The following HYDIN variants were observed in gnomAD, a reference collection of about 807,000 sequenced individuals.
HYDIN encodes the protein HYDIN axonemal central pair apparatus protein.
Under a neutral mutation model 403.9 loss-of-function variants are expected in HYDIN, and 132 were observed. The ratio of observed to expected loss-of-function variants is 0.33; its 90% CI spans 0.28 to 0.38. The LOEUF (loss-of-function observed/expected upper bound fraction) is 0.38, where lower values mean the gene tolerates loss of function less well. Ranked by LOEUF, HYDIN falls within the 10% of genes least tolerant of loss-of-function variation. HYDIN has a pLI of 1.00. For synonymous variants in HYDIN, 1,202 were observed against 1,891.7 expected, an observed-to-expected ratio of 0.64 and a Z score of 9.46; for missense variants, 2,827 against 5,009.5, an observed-to-expected ratio of 0.56 and a Z score of 13.15.
chr16:70,967,193 G>C (rs1035665133), intron 36 of HYDIN, among the ~76,000 whole-genome samples: 3 of 152,172 alleles, frequency 2.0e-5, no homozygotes, highest in Non-Finnish European at 2.9e-5. Context: ...GTGGATTTGG[G>C]GGGAGCTGCT....
chr16:70,955,909 C>T (rs1270405733), intron 39 of HYDIN, among the ~76,000 whole-genome samples: 2 of 152,180 alleles, frequency 1.3e-5, no homozygotes, highest in African/African-American at 4.8e-5. Flanking sequence ...ACCTCTGCCT[C>T]CTGGTTTCAA....
Position 71,108,460 on chromosome 16 carries a change from A to G in HYDIN, c.1327+7236T>C, listed in dbSNP as rs2083698299. On this transcript the variant is annotated intron_variant, in intron 10 of 85. Coordinates refer to ENST00000393567, the MANE Select transcript of HYDIN (RefSeq NM_001270974.2). ...CACACTGAGGCTTCTAGGGGCTGAA[A>G]ATATTCTATTATTGATCTTGGTGGC... Among the ~76,000 whole-genome samples the G allele has an allele frequency of 5.3e-5, 8 of 152,084 alleles. No individual in the cohort carries two copies. In the South Asian group the frequency reaches 1.0e-3, roughly 20 times the overall value.
chr16:71,206,224 A>T (rs2088291687), intron 1 of HYDIN, among the ~76,000 whole-genome samples: 1 of 152,184 alleles, frequency 6.6e-6, no homozygotes. Flanking sequence ...CCTGGCAAGG[A>T]CATGTCTTGT....
rs960053508 is a variant in HYDIN, at chr16:71,181,012, A to T, written c.262-1965T>A. Among the ~76,000 whole-genome samples the T allele has an allele frequency of 2.0e-5, 3 of 152,092 alleles. No homozygotes were observed. In the East Asian group the frequency reaches 5.8e-4, roughly 29 times the overall value. ...AACACATAGAAACAAATCCAATGAA[A>T]GATGTATAAGACCTTTATCCAGAAA... On this transcript the variant is annotated intron_variant, in intron 3 of 85. Transcript: ENST00000393567.
intron 23 of HYDIN, among the ~76,000 whole-genome samples, chr16:70,996,443 A>C (rs2079535573): frequency 6.6e-6 from 1 of 151,994 alleles, no homozygotes; most frequent in Admixed American, 6.6e-5. Context: ...AGGGGTTCTG[A>C]GCATGGCTGT....
intron 1 of HYDIN, among the ~76,000 whole-genome samples, chr16:71,198,727 A>ATTGCAATGAATCCTGGG (rs1278044034): frequency 6.6e-6 from 1 of 152,136 alleles, no homozygotes; most frequent in Non-Finnish European, 1.5e-5. Context: ...GGGGGACTGG[A>ATTGCAATGAATCCTGGG]TTGCAATGAA....
At chr16:70,901,793 C>T (rs1462141778) in intron 52 of HYDIN, among the ~76,000 whole-genome samples, 7 of 152,096 alleles carry the variant, frequency 4.6e-5, no homozygotes, top group Non-Finnish European at 8.8e-5. Context: ...ACTGTGTTAG[C>T]CAGGCTGGTC....
chr16:71,090,216 A>T (rs373035571), intron 11 of HYDIN: 2 of 123,916 alleles, frequency 1.6e-5, no homozygotes, highest in African/African-American at 7.6e-5. Flanking sequence ...TTCACCCTTC[A>T]TTGCGTTTAA....
At chr16:71,160,178 C>G (rs2085944102) in intron 6 of HYDIN, among the ~76,000 whole-genome samples, 1 of 111,254 alleles carries the variant, frequency 9.0e-6, no homozygotes, top group African/African-American at 4.6e-5. Context: ...TGAGCATGCA[C>G]AAAAATAAGA....
chr16:71,081,122 G>GA (rs2082773417), intron 12 of HYDIN: 1 of 151,976 alleles, frequency 6.6e-6, no homozygotes, highest in African/African-American at 2.4e-5. Flanking sequence ...CTAAATTTGT[G>GA]ATAATTTGTT....
chr16:70,818,264 A>C (rs2035975444), intron 84 of HYDIN, 78 bp downstream of exon 84: 1 of 736,270 alleles, frequency 1.4e-6, no homozygotes, highest in South Asian at 1.7e-5. Flanking sequence ...GGGGATGCAG[A>C]GTGTGGATCC....
chr16:71,134,683 G>A (rs1246982731), intron 8 of HYDIN, among the ~76,000 whole-genome samples: 4 of 152,142 alleles, frequency 2.6e-5, no homozygotes, highest in African/African-American at 7.2e-5. Context: ...CCAGAAAGCA[G>A]GAGTTAAATG....
At chr16:70,821,787 G>A (rs2036281916) in intron 83 of HYDIN, among the ~76,000 whole-genome samples, 2 of 151,786 alleles carry the variant, frequency 1.3e-5, no homozygotes, top group Non-Finnish European at 2.9e-5. Flanking sequence ...TAAGAATTAT[G>A]TTAAATCTAC....
intron 30 of HYDIN, among the ~76,000 whole-genome samples, chr16:70,977,049 C>G (rs113187428): frequency 2.6e-5 from 4 of 151,678 alleles, no homozygotes; most frequent in Non-Finnish European, 4.4e-5. Context: ...TCAAGGGAAC[C>G]AGCTTGGCTC....
chr16:70,894,503 T>A lies in HYDIN; in HGVS notation c.9194A>T (p.Glu3065Val), dbSNP rs1270401019. Residue 3065 changes from glutamate (E) to valine (V), a missense_variant, in exon 55 of 86, where the codon GAG becomes GTG. Physicochemically the swap from Glu to Val is moderately radical, Grantham distance 121. Coordinates refer to ENST00000393567, the MANE Select transcript of HYDIN (RefSeq NM_001270974.2). ...LDFGIVRVTE[E>V]AKQPLQLKNR... Reference sequence around the variant, plus strand: ...CTTCAATTGCAGGGGCTGCTTCGCCTCCTCTGTGACCCTGACAATCCCAAA... The same window carrying A: ...CTTCAATTGCAGGGGCTGCTTCGCCACCTCTGTGACCCTGACAATCCCAAA... 2.5e-6 allele frequency: 4 copies of A among 1,602,398 alleles called. No individual in the cohort carries two copies. Among genetic ancestry groups the A allele is most frequent in the Non-Finnish European group, 3.4e-6 (4 of 1,175,588 alleles).
intron 43 of HYDIN, 183 bp downstream of exon 43, chr16:70,941,453 A>G (rs1394343811): frequency 1.5e-5 from 6 of 412,104 alleles, no homozygotes; most frequent in Non-Finnish European, 2.6e-5. Flanking sequence ...GGAAGCAGGA[A>G]TGCACCTGCT....
intron 15 of HYDIN, chr16:71,067,021 C>G (rs1252902610): frequency 3.0e-6 from 2 of 657,348 alleles, no homozygotes. Context: ...AAGTCAAACC[C>G]GTTAGAGAGG....
At chr16:71,059,618 G>T (rs993293250) in intron 18 of HYDIN, among the ~76,000 whole-genome samples, 10 of 151,940 alleles carry the variant, frequency 6.6e-5, no homozygotes. Context: ...AAGAGACACT[G>T]GGGCCTACTT....
intron 2 of HYDIN, among the ~76,000 whole-genome samples, chr16:71,185,926 A>G (rs2087126407): frequency 1.3e-5 from 2 of 152,288 alleles, no homozygotes; most frequent in Middle Eastern, 3.4e-3. Flanking sequence ...TCTGTGATTT[A>G]ATCCATTTAA....
Sources: gnomAD v4.1 joint callset for allele counts (sites outside exome capture counted in the v4.1 genomes callset) on GRCh38, gnomAD v4.1.1 for gene constraint, MANE v1.5 for transcripts, NCBI Gene and HGNC (gene_info 2026-07-23, HGNC 2026-07-21) for gene names.